Variants in KANK1 observed in about 807,000 individuals in gnomAD.
KANK1 encodes the protein KN motif and ankyrin repeat domains 1.
KANK1 carries 109 observed loss-of-function variants against 106.2 expected under a neutral mutation model. That is an observed-to-expected ratio of 1.03 (90% CI 0.88 to 1.20). The LOEUF (loss-of-function observed/expected upper bound fraction) is 1.20, where lower values mean the gene tolerates loss of function less well. KANK1 is among the 50% of genes most tolerant of loss of function. The probability of loss-of-function intolerance (pLI) is 0.00; values close to 1 mark genes in which losing one functional copy is unlikely to be tolerated. For synonymous variants in KANK1, 873 were observed against 652.2 expected (o/e 1.34, Z -5.16); for missense variants, 2,399 against 1,710.7 (o/e 1.40, Z -7.10).
chr9:675,398 G>C (rs949339291), intron 1 of KANK1, among the ~76,000 whole-genome samples: 2 of 152,172 alleles, frequency 1.3e-5, no homozygotes, highest in Non-Finnish European at 2.9e-5. Flanking sequence ...TAGAGTCAGA[G>C]TTTGGGCACA....
intron 2 of KANK1, among the ~76,000 whole-genome samples, chr9:701,681 A>G (rs1822711060): frequency 6.6e-6 from 1 of 152,058 alleles, no homozygotes; most frequent in Non-Finnish European, 1.5e-5. Context: ...AATCACCTCC[A>G]TGCCTCGTTT....
In KANK1 at chr9:731,207, T is replaced by C. The variant is rs1832153646; in HGVS notation, c.2946T>C (p.Asp982=). ...TGAAGTCCATCATGAAGAAGAAAGA[T>C]GGTAACAAAGATTCAAATGGCGCAA... ...STLKSIMKKK[D]GNKDSNGAKK... Residue 982 remains aspartate, a synonymous_variant, in exon 5 of 12, where the codon GAT becomes GAC. Transcript: ENST00000382297. The C allele has an allele frequency of 6.2e-7, 1 of 1,612,518 alleles. No individual in the cohort carries two copies. The highest frequency in any genetic ancestry group is 8.5e-7 in the Non-Finnish European group (1 of 1,178,764).
At chr9:673,310 A>G (rs910089763) in intron 1 of KANK1, among the ~76,000 whole-genome samples, 2 of 147,694 alleles carry the variant, frequency 1.4e-5, no homozygotes, top group Non-Finnish European at 3.0e-5. Context: ...TCCCTGTTCA[A>G]GTGATTCTTG....
intron 3 of KANK1, among the ~76,000 whole-genome samples, chr9:719,892 G>T (rs1262786486): frequency 6.6e-6 from 1 of 152,104 alleles, no homozygotes; most frequent in Non-Finnish European, 1.5e-5. Context: ...TAGTTTCACT[G>T]AATTATTTTT....
intron 1 of KANK1, among the ~76,000 whole-genome samples, chr9:560,893 G>A (rs992560241): frequency 6.6e-6 from 1 of 152,166 alleles, no homozygotes; most frequent in African/African-American, 2.4e-5. Flanking sequence ...TTATAGAATG[G>A]GAGACCTGGA....
At chr9:606,320 G>T (rs1829145855) in intron 1 of KANK1, among the ~76,000 whole-genome samples, 1 of 138,730 alleles carries the variant, frequency 7.2e-6, no homozygotes, top group Non-Finnish European at 1.5e-5. Context: ...ACTTTGGGAG[G>T]CCGAGGTGGG....
chr9:711,597 G>A lies in KANK1; in HGVS notation c.831G>A (p.Leu277=). The A allele has an allele frequency of 6.2e-7, 1 of 1,614,140 alleles. No homozygotes were observed. The highest frequency in any genetic ancestry group is 1.1e-5 in the South Asian group (1 of 91,074). ...TTGCTCTGAAACGCCTGAAGGAGCT[G>A]GAGGAGCAGGTGCGAACCATCCCTG... ...MAIALKRLKE[L]EEQVRTIPVL... is the part of the protein sequence containing the mutation. The change falls in exon 3 of 12, where the codon CTG becomes CTA. Residue 277 remains leucine, a synonymous_variant. Coordinates refer to ENST00000382297, the MANE Select transcript of KANK1 (RefSeq NM_015158.5).
At chr9:500,764 G>A (rs1465397404), upstream of KANK1, among the ~76,000 whole-genome samples, 1 of 152,224 alleles carries the variant, frequency 6.6e-6, no homozygotes, top group Non-Finnish European at 1.5e-5. Context: ...GAGGAGCCAA[G>A]TGAAGTTTTT....
chr9:561,224 A>T (rs1292986062), intron 1 of KANK1, among the ~76,000 whole-genome samples: 1 of 152,166 alleles, frequency 6.6e-6, no homozygotes, highest in Non-Finnish European at 1.5e-5. Context: ...CATAAGAAGG[A>T]TATGTTTTTC....
At chr9:683,385 G>A (rs1365819225) in intron 2 of KANK1, among the ~76,000 whole-genome samples, 1 of 152,134 alleles carries the variant, frequency 6.6e-6, no homozygotes, top group Non-Finnish European at 1.5e-5. Context: ...CACATAGGTA[G>A]GAGCCTGCCA....
chr9:699,060 T>C (rs1228017722), intron 2 of KANK1, among the ~76,000 whole-genome samples: 1 of 152,154 alleles, frequency 6.6e-6, no homozygotes, highest in Non-Finnish European at 1.5e-5. Flanking sequence ...CATATGCTCT[T>C]TCCTCTGCCT....
chr9:592,857 C>G (rs12335853), intron 1 of KANK1, among the ~76,000 whole-genome samples: 9,703 of 151,728 alleles, frequency 0.064, 1,003 homozygotes, highest in East Asian at 0.24. Flanking sequence ...CTTCTGTTTG[C>G]TTTTCTCTCC....
At chr9:534,225 A>C (rs1234020620) in intron 1 of KANK1, among the ~76,000 whole-genome samples, 2 of 152,220 alleles carry the variant, frequency 1.3e-5, no homozygotes, top group Non-Finnish European at 2.9e-5. Flanking sequence ...AATTCAGAAA[A>C]TGCAGAAATG....
At chr9:721,963 C>G (rs75187394) in intron 3 of KANK1, among the ~76,000 whole-genome samples, 2 of 152,234 alleles carry the variant, frequency 1.3e-5, no homozygotes, top group South Asian at 2.1e-4. Context: ...ATCTCCATAG[C>G]TCACACCTCA....
At chr9:555,259 G>A (rs927458640) in intron 1 of KANK1, among the ~76,000 whole-genome samples, 22 of 152,314 alleles carry the variant, frequency 1.4e-4, no homozygotes, top group Middle Eastern at 6.8e-3. Context: ...GTCCTGAAGA[G>A]TCAAGGGTGA....
intron 1 of KANK1, among the ~76,000 whole-genome samples, chr9:641,188 A>G (rs181724013): frequency 6.6e-6 from 1 of 152,364 alleles, no homozygotes; most frequent in Admixed American, 6.5e-5. Flanking sequence ...TGAGAAATGC[A>G]GTAAGAAACT....
At chr9:674,725 A>T (rs1006715356) in intron 1 of KANK1, among the ~76,000 whole-genome samples, 1 of 152,140 alleles carries the variant, frequency 6.6e-6, no homozygotes, top group African/African-American at 2.4e-5. Flanking sequence ...TTGTTTTTTG[A>T]GACAGTCTCG....
intron 1 of KANK1, among the ~76,000 whole-genome samples, chr9:525,243 C>G (rs4740806): frequency 0.57 from 85,592 of 151,042 alleles, 27,024 homozygotes; most frequent in Non-Finnish European, 0.7. Flanking sequence ...AATCCACCCA[C>G]CTTGGCCTCC....
intron 3 of KANK1, among the ~76,000 whole-genome samples, chr9:488,350 G>C (rs1564117675): frequency 6.6e-6 from 1 of 152,164 alleles, no homozygotes; most frequent in African/African-American, 2.4e-5. Flanking sequence ...AGGGATATTA[G>C]AGTCTAACAA....
Sources: allele counts gnomAD v4.1 joint callset (sites outside exome capture counted in the v4.1 genomes callset), GRCh38; gene constraint gnomAD v4.1.1; transcripts MANE v1.5; gene names NCBI Gene and HGNC (gene_info 2026-07-23, HGNC 2026-07-21).